GLRA2: variants seen among roughly 807,000 people sequenced by gnomAD.
The protein encoded by GLRA2 is glycine receptor subunit alpha-2.
In GLRA2, 11 loss-of-function variants were observed where a neutral mutation model predicts 31.6. That is an observed-to-expected ratio of 0.35 (90% CI 0.22 to 0.58). The LOEUF is 0.58. Ranked by LOEUF, GLRA2 falls within the 20% of genes least tolerant of loss-of-function variation. The pLI is 0.84. For missense variants in GLRA2, 212 were observed against 351.8 expected (o/e 0.60, Z 3.18); for synonymous variants, 132 against 134.0 (o/e 0.99, Z 0.10).
rs192470652 is a variant in GLRA2, at chrX:14,613,653, G to A, written c.930+4448G>A. Among the ~76,000 whole-genome samples, 10 of 111,331 alleles carry A rather than the reference G, an allele frequency of 9.0e-5. No homozygotes were observed. In the East Asian group the frequency reaches 1.4e-3, roughly 16 times the overall value. ...GGGACTTGAGCATCCACAGATTTTC[G>A]TATTTGCAAAGATCCTGGAACCAAT... On this transcript the variant is annotated intron_variant, in intron 7 of 8. Coordinates refer to ENST00000218075, the MANE Select transcript of GLRA2 (RefSeq NM_002063.4).
chrX:14,717,788 G>A (rs748546859), intron 8 of GLRA2, among the ~76,000 whole-genome samples: 52 of 104,061 alleles, frequency 5.0e-4, no homozygotes, highest in Admixed American at 1.9e-3. Context: ...GATTTATCAA[G>A]AATTTTTTGA....
At chrX:14,537,066 T>C (rs891859714) in intron 2 of GLRA2, among the ~76,000 whole-genome samples, 1 of 110,974 alleles carries the variant, frequency 9.0e-6, no homozygotes, top group African/African-American at 3.3e-5. Flanking sequence ...GTGGGAACCA[T>C]TCATTGAAGA....
chrX:14,696,172 A>AAGGGAGGGAGAGTGGG (rs1223181499), intron 8 of GLRA2, among the ~76,000 whole-genome samples: 2 of 96,789 alleles, frequency 2.1e-5, no homozygotes, highest in Non-Finnish European at 4.1e-5. Context: ...AAAGGAGAAG[A>AAGGGAGGGAGAGTGGG]AGGGAGGGAG....
At chrX:14,698,590 A>C (rs762273971) in intron 8 of GLRA2, among the ~76,000 whole-genome samples, 1 of 104,198 alleles carries the variant, frequency 9.6e-6, no homozygotes, top group Non-Finnish European at 2.0e-5. Context: ...AGGCAGGAGA[A>C]TCACTTGAAC....
At chrX:14,579,488 C>A (rs187788638) in intron 3 of GLRA2, among the ~76,000 whole-genome samples, 26 of 111,232 alleles carry the variant, frequency 2.3e-4, no homozygotes, top group African/African-American at 7.8e-4. Context: ...CACCAGCACA[C>A]CTGGCTAATT....
intron 8 of GLRA2, among the ~76,000 whole-genome samples, chrX:14,698,130 T>C (rs1335749441): frequency 8.9e-6 from 1 of 111,982 alleles, no homozygotes; most frequent in Non-Finnish European, 1.9e-5. Context: ...GTCACACAAG[T>C]ACAGGGTCAG....
intron 4 of GLRA2, among the ~76,000 whole-genome samples, chrX:14,592,530 G>A (rs755020550): frequency 7.2e-5 from 8 of 110,371 alleles, no homozygotes; most frequent in Non-Finnish European, 1.3e-4. Context: ...AAACTAGCTG[G>A]GCTTGGTGGC....
intron 7 of GLRA2, among the ~76,000 whole-genome samples, chrX:14,674,782 C>T (rs1419642350): frequency 1.3e-4 from 14 of 109,542 alleles, no homozygotes. Flanking sequence ...CTCCCATGCA[C>T]ACACACACAA....
chrX:14,618,681 G>C (rs2090480842), intron 7 of GLRA2, among the ~76,000 whole-genome samples: 2 of 111,554 alleles, frequency 1.8e-5, no homozygotes, highest in Admixed American at 1.9e-4. Flanking sequence ...TGAAATCAAA[G>C]TGTCAGCTGG....
At chrX:14,659,822 T>A (rs1252500102) in intron 7 of GLRA2, among the ~76,000 whole-genome samples, 1 of 112,165 alleles carries the variant, frequency 8.9e-6, no homozygotes, top group Non-Finnish European at 1.9e-5. Flanking sequence ...CAATACTAAT[T>A]TCTGTCAACC....
At chrX:14,612,019 T>A (rs772620406) in intron 7 of GLRA2, among the ~76,000 whole-genome samples, 5 of 111,917 alleles carry the variant, frequency 4.5e-5, no homozygotes, top group Non-Finnish European at 9.4e-5. Context: ...AAGAATCTCA[T>A]AATAATATTA....
At chrX:14,569,174 G>T (rs904052263) in intron 2 of GLRA2, among the ~76,000 whole-genome samples, 8 of 111,115 alleles carry the variant, frequency 7.2e-5, no homozygotes, top group Non-Finnish European at 1.5e-4. Context: ...AGAATCACTT[G>T]AACCTGGGAG....
intron 2 of GLRA2, among the ~76,000 whole-genome samples, chrX:14,537,531 A>G (rs1289300568): frequency 1.8e-5 from 2 of 111,472 alleles, no homozygotes; most frequent in Non-Finnish European, 3.8e-5. Flanking sequence ...CCTGATTTCA[A>G]TAGTACCCAA....
At chrX:14,592,153 A>C (rs2147078307) in intron 4 of GLRA2, among the ~76,000 whole-genome samples, 1 of 111,292 alleles carries the variant, frequency 9.0e-6, no homozygotes, top group Non-Finnish European at 1.9e-5. Context: ...TCCTTCCCAA[A>C]CCACAAAACA....
chrX:14,660,984 C>G (rs2090985217), intron 7 of GLRA2, among the ~76,000 whole-genome samples: 1 of 111,922 alleles, frequency 8.9e-6, no homozygotes, highest in African/African-American at 3.3e-5. Flanking sequence ...GTTTCGTTTA[C>G]TAGACTGTAA....
At chrX:14,518,234 C>CT in the GLRA2 span, among the ~76,000 whole-genome samples, 1 of 111,559 alleles carries the variant, frequency 9.0e-6, no homozygotes, top group Admixed American at 9.5e-5. Flanking sequence ...AAAATTATAT[C>CT]TTTTTTACTT....
chrX:14,491,389 C>T, the GLRA2 span, among the ~76,000 whole-genome samples: 2 of 111,357 alleles, frequency 1.8e-5, no homozygotes, highest in East Asian at 2.8e-4. Context: ...TTCTTCCTTT[C>T]GTAGGTTGCC....
intron 2 of GLRA2, among the ~76,000 whole-genome samples, chrX:14,537,152 A>G (rs1350560844): frequency 1.8e-5 from 2 of 111,480 alleles, no homozygotes; most frequent in African/African-American, 6.5e-5. Context: ...TTATTATAAA[A>G]TTACCTTGCA....
intron 2 of GLRA2, among the ~76,000 whole-genome samples, chrX:14,564,360 C>T (rs1445431413): frequency 9.1e-6 from 1 of 110,280 alleles, no homozygotes; most frequent in African/African-American, 3.3e-5. Flanking sequence ...TTATATCCAG[C>T]AAAACTGTCC....
Sources: gnomAD v4.1 joint callset for allele counts (sites outside exome capture counted in the v4.1 genomes callset) on GRCh38, gnomAD v4.1.1 for gene constraint, MANE v1.5 for transcripts, NCBI Gene and HGNC (gene_info 2026-07-23, HGNC 2026-07-21) for gene names.